Variants in LRP1B observed in about 807,000 individuals in gnomAD.
LRP1B encodes LDL receptor related protein 1B.
A neutral mutation model predicts 556.6 loss-of-function variants in LRP1B; 217 were observed. The observed-to-expected ratio is 0.39, with a 90% CI of 0.35 to 0.44. LRP1B has a LOEUF of 0.44. LRP1B is among the 20% of genes least tolerant of loss of function. The pLI is 1.00. For missense variants in LRP1B, 5,053 were observed against 5,620.8 expected, an observed-to-expected ratio of 0.90 and a Z score of 3.23; for synonymous variants, 2,047 against 1,865.8, an observed-to-expected ratio of 1.10 and a Z score of -2.50.
chr2:141,948,064 G>A (rs927519628), intron 1 of LRP1B, among the ~76,000 whole-genome samples: 13 of 152,132 alleles, frequency 8.5e-5, no homozygotes, highest in African/African-American at 1.4e-4. Flanking sequence ...TTGTGAGGCC[G>A]CCGTGGGCAG....
At chr2:141,185,041 G>C (rs567288444) in intron 7 of LRP1B, among the ~76,000 whole-genome samples, 1 of 152,098 alleles carries the variant, frequency 6.6e-6, no homozygotes, top group East Asian at 1.9e-4. Context: ...ATTCGTAATG[G>C]TATCACAAGT....
Position 141,909,329 on chromosome 2 carries a change from T to C in LRP1B, c.83-98928A>G, listed in dbSNP as rs565845385. 2.0e-5 allele frequency among the ~76,000 whole-genome samples: 3 copies of C among 152,170 alleles called. No individual in the cohort carries two copies. The East Asian group carries it at 5.8e-4, about 29-fold the overall frequency. ...ATCAATTATGGGAAACAAAGTAAAC[T>C]TCGAGACCTAGAAAAAATAATGAAA... is the stretch of plus-strand genomic sequence containing the variant. On this transcript the variant is annotated intron_variant, in intron 1 of 90. Transcript: ENST00000389484.
At chr2:142,056,928 C>T (rs893878455) in intron 1 of LRP1B, among the ~76,000 whole-genome samples, 1 of 151,220 alleles carries the variant, frequency 6.6e-6, no homozygotes, top group African/African-American at 2.4e-5. Context: ...ACTCTGTTAC[C>T]TTTTCACCTA....
chr2:141,389,851 G>A (rs1294601331), intron 3 of LRP1B, among the ~76,000 whole-genome samples: 1 of 152,126 alleles, frequency 6.6e-6, no homozygotes, highest in Non-Finnish European at 1.5e-5. Flanking sequence ...TAAAGTAGAT[G>A]AACACAGCCT....
intron 77 of LRP1B, among the ~76,000 whole-genome samples, chr2:140,349,911 G>A (rs1346146670): frequency 6.6e-6 from 1 of 152,100 alleles, no homozygotes; most frequent in Non-Finnish European, 1.5e-5. Context: ...ATCTACTGCT[G>A]ATAAAGTATA....
At chr2:142,095,671 T>C (rs976640685) in intron 1 of LRP1B, among the ~76,000 whole-genome samples, 2 of 151,746 alleles carry the variant, frequency 1.3e-5, no homozygotes, top group Non-Finnish European at 3.0e-5. Context: ...ATTTTCCCTT[T>C]TTGAAGTAAG....
At chr2:140,764,807 C>T (rs1395873419) in intron 35 of LRP1B, among the ~76,000 whole-genome samples, 3 of 152,050 alleles carry the variant, frequency 2.0e-5, no homozygotes, top group African/African-American at 7.2e-5. Flanking sequence ...TAGCATCTAT[C>T]GTTAACATTA....
At chr2:140,401,006 C>T (rs1302992350) in intron 66 of LRP1B, among the ~76,000 whole-genome samples, 1 of 152,130 alleles carries the variant, frequency 6.6e-6, no homozygotes. Context: ...GAAGCCATTC[C>T]TTATTAGATC....
chr2:141,364,270 A>AACACACACACACACACACAC, intron 3 of LRP1B, among the ~76,000 whole-genome samples: 1 of 148,732 alleles, frequency 6.7e-6, no homozygotes, highest in African/African-American at 2.5e-5. Context: ...TGGAGGAAAT[A>AACACACACACACACACACAC]ACACACACAC....
chr2:141,077,929 ATCTGAG>A (rs1440881962), intron 7 of LRP1B, among the ~76,000 whole-genome samples: 1 of 151,204 alleles, frequency 6.6e-6, no homozygotes, highest in Non-Finnish European at 1.5e-5. Flanking sequence ...TAAAACTCCA[ATCTGAG>A]TCTATCTCAG....
intron 33 of LRP1B, among the ~76,000 whole-genome samples, chr2:140,773,709 T>C (rs75438017): frequency 0.02 from 2,973 of 151,818 alleles, 100 homozygotes; most frequent in African/African-American, 0.068. Context: ...ACTAACCATA[T>C]ACATTTCATA....
intron 1 of LRP1B, among the ~76,000 whole-genome samples, chr2:142,045,640 T>G (rs1704231825): frequency 6.6e-6 from 1 of 151,940 alleles, no homozygotes; most frequent in African/African-American, 2.4e-5. Flanking sequence ...ATTTCTGACA[T>G]AATATCTAAT....
chr2:141,246,263 T>C (rs1255268308), intron 5 of LRP1B, among the ~76,000 whole-genome samples: 1 of 152,166 alleles, frequency 6.6e-6, no homozygotes, highest in South Asian at 2.1e-4. Flanking sequence ...GCTACATTAA[T>C]GTGAATATCA....
chr2:141,949,666 G>T (rs1464397728), intron 1 of LRP1B, among the ~76,000 whole-genome samples: 1 of 152,116 alleles, frequency 6.6e-6, no homozygotes, highest in African/African-American at 2.4e-5. Context: ...GGGATTATAG[G>T]CATAAGCCAC....
chr2:140,835,711 G>A (rs1333533659), intron 31 of LRP1B, among the ~76,000 whole-genome samples: 1 of 151,824 alleles, frequency 6.6e-6, no homozygotes, highest in Non-Finnish European at 1.5e-5. Flanking sequence ...CTAATGTTTT[G>A]TATTTTCAGT....
At chr2:140,467,956 C>T (rs78725078) in intron 60 of LRP1B, among the ~76,000 whole-genome samples, 10 of 152,274 alleles carry the variant, frequency 6.6e-5, no homozygotes, top group Non-Finnish European at 1.2e-4. Flanking sequence ...AATGAACAAA[C>T]ATTTGAGAGA....
intron 1 of LRP1B, among the ~76,000 whole-genome samples, chr2:141,891,504 GAATT>G (rs1558943632): frequency 6.6e-6 from 1 of 151,954 alleles, no homozygotes; most frequent in East Asian, 1.9e-4. Context: ...GCATACCCAC[GAATT>G]AATAAAAGCA....
intron 3 of LRP1B, among the ~76,000 whole-genome samples, chr2:141,261,952 T>C (rs1371999910): frequency 6.6e-6 from 1 of 152,120 alleles, no homozygotes; most frequent in African/African-American, 2.4e-5. Context: ...TTATAATAAA[T>C]TACCAAACTA....
rs148926497 is a variant in LRP1B at position 140,925,639 on chromosome 2, C to T, written c.3137-2492G>A. On this transcript the variant is annotated intron_variant, in intron 20 of 90. Coordinates refer to ENST00000389484, the MANE Select transcript of LRP1B (RefSeq NM_018557.3). ...TAATCTATTGATTTTTCCACATTCT[C>T]CAAAATAAGAATCAAAGACTGGCAG... Among the ~76,000 whole-genome samples the T allele has an allele frequency of 5.6e-3, 850 of 152,146 alleles. 10 individuals carry two copies. Among genetic ancestry groups the T allele is most frequent in the African/African-American group, 0.019 (797 of 41,520 alleles).
Sources: allele counts gnomAD v4.1 joint callset (sites outside exome capture counted in the v4.1 genomes callset), GRCh38; gene constraint gnomAD v4.1.1; transcripts MANE v1.5; gene names NCBI Gene and HGNC (gene_info 2026-07-23, HGNC 2026-07-21).